The following RBFOX1 variants were observed in gnomAD, a reference collection of about 807,000 sequenced individuals.
RBFOX1 encodes the protein RNA binding fox-1 homolog 1.
Under a neutral mutation model 57.7 loss-of-function variants are expected in RBFOX1, and 8 were observed. The ratio of observed to expected loss-of-function variants is 0.14; its 90% CI spans 0.08 to 0.25. The LOEUF is 0.25. Ranked by LOEUF, RBFOX1 falls within the 10% of genes least tolerant of loss-of-function variation. The pLI is 1.00. For synonymous variants in RBFOX1, 326 were observed against 222.4 expected (o/e 1.47, Z -4.15); for missense variants, 611 against 548.5 (o/e 1.11, Z -1.14).
intron 3 of RBFOX1, among the ~76,000 whole-genome samples, chr16:6,887,221 AAGG>A (rs1455993516): frequency 1.3e-5 from 2 of 152,132 alleles, no homozygotes; most frequent in Non-Finnish European, 2.9e-5. Context: ...TAGTACTTGG[AAGG>A]AGACTATAGA....
At chr16:6,562,750 A>T (rs2097194853) in intron 2 of RBFOX1, among the ~76,000 whole-genome samples, 2 of 152,010 alleles carry the variant, frequency 1.3e-5, no homozygotes, top group Admixed American at 1.3e-4. Context: ...CATTCTGCAC[A>T]AGTTGCTTTT....
At chr16:6,540,611 CAAAAAAAAAAAA>C (rs140566519) in intron 2 of RBFOX1, among the ~76,000 whole-genome samples, 1 of 67,628 alleles carries the variant, frequency 1.5e-5, no homozygotes, top group Non-Finnish European at 2.7e-5. Flanking sequence ...GACTCTGTCT[CAAAAAAAAAAAA>C]AAAAAAAAAA....
chr16:6,741,452 T>C (rs1405121706), intron 3 of RBFOX1, among the ~76,000 whole-genome samples: 4 of 151,992 alleles, frequency 2.6e-5, no homozygotes, highest in Non-Finnish European at 4.4e-5. Flanking sequence ...TAACCTGAGG[T>C]CAGGAGTTCG....
intron 2 of RBFOX1, among the ~76,000 whole-genome samples, chr16:6,328,719 T>C (rs908667062): frequency 1.3e-5 from 2 of 150,528 alleles, no homozygotes; most frequent in Non-Finnish European, 3.0e-5. Flanking sequence ...AGGTCTCTTG[T>C]GAAGATTAAA....
At chr16:7,593,950 G>T (rs76526800) in intron 7 of RBFOX1, among the ~76,000 whole-genome samples, 3,685 of 152,184 alleles carry the variant, frequency 0.024, 138 homozygotes, top group African/African-American at 0.084. Flanking sequence ...GAAAAGTTCC[G>T]TTAGCCAGCC....
At chr16:7,265,489 C>G (rs977385095) in intron 4 of RBFOX1, among the ~76,000 whole-genome samples, 17 of 152,080 alleles carry the variant, frequency 1.1e-4, no homozygotes, top group African/African-American at 4.1e-4. Flanking sequence ...TGCTCTGTCA[C>G]CCAGGCTGGA....
intron 3 of RBFOX1, among the ~76,000 whole-genome samples, chr16:6,920,018 A>G (rs1386791801): frequency 1.3e-5 from 2 of 152,038 alleles, no homozygotes; most frequent in Admixed American, 1.3e-4. Context: ...CTCCCTTATA[A>G]GACGGAAAAT....
intron 8 of RBFOX1, 123 bp downstream of exon 8, chr16:7,595,764 A>G (rs2094652363): frequency 2.7e-6 from 1 of 368,958 alleles, no homozygotes; most frequent in South Asian, 1.2e-4. Flanking sequence ...TTGTTTATAT[A>G]TATATATATA....
At chr16:7,419,158 G>A (rs1033766717) in intron 4 of RBFOX1, among the ~76,000 whole-genome samples, 8 of 152,160 alleles carry the variant, frequency 5.3e-5, no homozygotes, top group Admixed American at 6.5e-5. Context: ...TTCACCCACC[G>A]TGGCCTCCCA....
Position 6,779,861 on chromosome 16 carries a change from TTATATATTTATATATATTTA to T in RBFOX1, c.-16+125247_-16+125266del, listed in dbSNP as rs1208080510. Among the ~76,000 whole-genome samples, 5 of 17,146 alleles carry T rather than the reference TTATATATTTATATATATTTA, an allele frequency of 2.9e-4. 1 individual carries two copies. The highest frequency in any genetic ancestry group is 3.6e-4 in the Non-Finnish European group (4 of 11,174). 11.2% of individuals were successfully genotyped at this position (17,146 alleles called of 152,430 possible). On this transcript the variant is annotated intron_variant, in intron 3 of 15. Coordinates refer to ENST00000550418, the MANE Select transcript of RBFOX1 (RefSeq NM_018723.4). ...TATTTATATATATATTTATATATATTTATATATTTATATATATTTATATATATTTATATATATTTATATAT... is the reference window on the plus strand; with the variant it reads ...TATTTATATATATATTTATATATATTTATATATTTATATATATTTATATAT...
intron 2 of RBFOX1, among the ~76,000 whole-genome samples, chr16:6,441,934 C>T (rs1178829446): frequency 6.6e-6 from 1 of 152,076 alleles, no homozygotes; most frequent in East Asian, 1.9e-4. Context: ...TCCTAATTTG[C>T]TATTAGGATG....
At chr16:6,873,791 A>T (rs1257054923) in intron 3 of RBFOX1, 2 of 152,174 alleles carry the variant, frequency 1.3e-5, no homozygotes, top group East Asian at 3.9e-4. Flanking sequence ...CAACTCTGTG[A>T]TCTTTATTAT....
At chr16:7,197,491 A>G (rs1039847389) in intron 4 of RBFOX1, among the ~76,000 whole-genome samples, 9 of 151,712 alleles carry the variant, frequency 5.9e-5, no homozygotes, top group African/African-American at 2.2e-4. Context: ...CAGAATTATC[A>G]CAGATAGTGT....
At chr16:5,398,512 G>A (rs2066626018) in intron 1 of RBFOX1, among the ~76,000 whole-genome samples, 1 of 151,984 alleles carries the variant, frequency 6.6e-6, no homozygotes, top group South Asian at 2.1e-4. Context: ...ATGTGAGCAG[G>A]TGTGCATGCA....
At chr16:7,690,215 C>G (rs988768396) in intron 14 of RBFOX1, among the ~76,000 whole-genome samples, 2 of 152,120 alleles carry the variant, frequency 1.3e-5, no homozygotes, top group Admixed American at 1.3e-4. Flanking sequence ...GGAATGGGCC[C>G]TATCACTGGC....
rs529780915 is a variant in RBFOX1, at chr16:5,412,632, C to T, written c.220-54584C>T. The stretch of plus-strand genomic sequence containing the variant: ...GGTGGTCAGATGCGAGAACTCACAT[C>T]GAGTCCTTATTGTGCGCTGGTTCTT... On this transcript the variant is annotated intron_variant, in intron 1 of 2. Coordinates refer to the RBFOX1 transcript ENST00000585867. 7.4e-4 allele frequency among the ~76,000 whole-genome samples: 112 copies of T among 152,272 alleles called. 1 individual carries two copies. The highest frequency in any genetic ancestry group is 1.3e-4 in the Non-Finnish European group (9 of 68,024).
chr16:5,507,446 G>A (rs1323946181), intron 2 of RBFOX1, among the ~76,000 whole-genome samples: 1 of 152,252 alleles, frequency 6.6e-6, no homozygotes, highest in East Asian at 1.9e-4. Context: ...AATGGGGGTT[G>A]GCGTGGGAAT....
intron 2 of RBFOX1, among the ~76,000 whole-genome samples, chr16:6,515,314 C>G (rs2096353617): frequency 6.6e-6 from 1 of 152,192 alleles, no homozygotes. Flanking sequence ...CTAGGCTTGT[C>G]TTTGTCAGAC....
chr16:5,886,531 C>T (rs890551208), intron 4 of RBFOX1, among the ~76,000 whole-genome samples: 4 of 152,198 alleles, frequency 2.6e-5, no homozygotes, highest in African/African-American at 7.2e-5. Context: ...CAATAACTAA[C>T]ATTTGGTCTT....
Sources: gnomAD v4.1 joint callset for allele counts (sites outside exome capture counted in the v4.1 genomes callset) on GRCh38, gnomAD v4.1.1 for gene constraint, MANE v1.5 for transcripts, NCBI Gene and HGNC (gene_info 2026-07-23, HGNC 2026-07-21) for gene names.